Variants in MTRR observed in about 807,000 individuals in gnomAD.
The protein encoded by MTRR is 5-methyltetrahydrofolate-homocysteine methyltransferase reductase, also known as methionine synthase reductase.
A neutral mutation model predicts 79.2 loss-of-function variants in MTRR; 63 were observed. The ratio of observed to expected loss-of-function variants is 0.80; its 90% CI spans 0.65 to 0.98. The LOEUF (loss-of-function observed/expected upper bound fraction) is 0.98, where lower values mean the gene tolerates loss of function less well. MTRR is among the 50% of genes least tolerant of loss of function. MTRR has a pLI of 0.00. For synonymous variants in MTRR, 355 were observed against 313.3 expected, an observed-to-expected ratio of 1.13 and a Z score of -1.41; for missense variants, 895 against 839.6, an observed-to-expected ratio of 1.07 and a Z score of -0.82.
intron 6 of MTRR, among the ~76,000 whole-genome samples, chr5:7,883,584 A>G (rs977318691): frequency 6.7e-6 from 1 of 150,078 alleles, no homozygotes; most frequent in East Asian, 1.9e-4. Flanking sequence ...GTGCTTGGTT[A>G]TGTATGCTGA....
chr5:7,867,416 T>C, upstream of MTRR: 3 of 1,614,168 alleles, frequency 1.9e-6, no homozygotes, highest in African/African-American at 1.3e-5. Context: ...AATCAGACTT[T>C]CCCCAAGAAT....
chr5:7,891,496 A>G lies in MTRR; in HGVS notation c.1370+82A>G, dbSNP rs139796000. 360 of 1,221,054 alleles carry G rather than the reference A, an allele frequency of 2.9e-4. 3 individuals carry two copies. In the African/African-American group the frequency reaches 4.6e-3, roughly 16 times the overall value. The allele number at this position is 1,221,054 out of a possible 1,614,324, so 75.6% of individuals were successfully genotyped here. On this transcript the variant is annotated intron_variant, in intron 10 of 14. Coordinates refer to ENST00000440940, the MANE Select transcript of MTRR (RefSeq NM_002454.3). ...GGCTTCCAGATCATTAGAGTTTACT[A>G]ATTTATTCAGTGAAAACTTACCTGC...
At chr5:7,894,104 C>T (rs1738105090) in intron 11 of MTRR, among the ~76,000 whole-genome samples, 1 of 152,150 alleles carries the variant, frequency 6.6e-6, no homozygotes, top group Non-Finnish European at 1.5e-5. Context: ...CTCCTTTCCT[C>T]CCTCCCTCTC....
rs757746363 is a variant in MTRR at position 7,873,477 on chromosome 5, C to T, written c.234C>T (p.Asn78=). 3 of 1,614,128 alleles carry T rather than the reference C, an allele frequency of 1.9e-6. No individual in the cohort carries two copies. In the East Asian group the frequency reaches 6.7e-5, roughly 36 times the overall value. The change falls in exon 3 of 15, where the codon AAC becomes AAT. Residue 78 remains asparagine, a synonymous_variant. Coordinates refer to ENST00000440940, the MANE Select transcript of MTRR (RefSeq NM_002454.3). ...TARKFVKEIQ[N]QTLPVDFFAH... is the part of the protein sequence containing the mutation. ...GCAAGTTTGTTAAGGAAATACAGAACCAAACACTGCCGGTTGATTTCTTTG... is the reference window on the plus strand; with the variant it reads ...GCAAGTTTGTTAAGGAAATACAGAATCAAACACTGCCGGTTGATTTCTTTG...
At chr5:7,882,486 C>T (rs2126723527) in intron 5 of MTRR, among the ~76,000 whole-genome samples, 1 of 152,242 alleles carries the variant, frequency 6.6e-6, no homozygotes, top group African/African-American at 2.4e-5. Context: ...CCCATATAGC[C>T]ACTTATCCAC....
rs530883601 is a variant in MTRR at position 7,881,300 on chromosome 5, A to G, written c.781-1855A>G. On this transcript the variant is annotated intron_variant, in intron 5 of 14. Coordinates refer to ENST00000440940, the MANE Select transcript of MTRR (RefSeq NM_002454.3). ...GGTTAGTCCCTTACCTTCCTTAGCT[A>G]GCCCAGTGCTTTAGTGGCCGAGTGT... Among the ~76,000 whole-genome samples the G allele has an allele frequency of 2.6e-5, 4 of 152,094 alleles. No homozygotes were observed. In the East Asian group the frequency reaches 7.8e-4, roughly 30 times the overall value.
chr5:7,856,306 C>T lies in MTRR; in HGVS notation n.391+4721C>T, dbSNP rs116564292. On this transcript the variant is annotated intron_variant and non_coding_transcript_variant, in intron 1 of 3. Coordinates refer to the MTRR transcript ENST00000502509. Reference sequence around the variant, plus strand: ...TCCATTTTATTGCTCTGATTTCAAACAACAAAGGCTTTAGAGAACAAAGTT... The same window carrying T: ...TCCATTTTATTGCTCTGATTTCAAATAACAAAGGCTTTAGAGAACAAAGTT... Among the ~76,000 whole-genome samples, 354 of 152,260 alleles carry T rather than the reference C, an allele frequency of 2.3e-3. 1 individual carries two copies. The highest frequency in any genetic ancestry group is 6.5e-3 in the African/African-American group (269 of 41,550).
chr5:7,867,525 G>C (rs1747072571), upstream of MTRR: 1 of 1,614,268 alleles, frequency 6.2e-7, no homozygotes, highest in South Asian at 1.1e-5. Flanking sequence ...ACATGCAACA[G>C]AATCAGAGCT....
intron 11 of MTRR, among the ~76,000 whole-genome samples, chr5:7,893,865 CAG>C (rs1738055277): frequency 6.6e-6 from 1 of 152,264 alleles, no homozygotes; most frequent in Middle Eastern, 3.4e-3. Flanking sequence ...CTGCCTGGAA[CAG>C]AGAGATGCTT....
rs200822691 is a variant in MTRR at position 7,889,540 on chromosome 5, C to CA, written c.1327+266dup. On this transcript the variant is annotated intron_variant, in intron 9 of 14. Transcript: ENST00000440940. ...TTCTTTTTTTTCCTTCCAGCAGTGT[C>CA]ACTATCATTTTCTCTCTTAATAGAG... Among the ~76,000 whole-genome samples, 57 of 152,154 alleles carry CA rather than the reference C, an allele frequency of 3.7e-4. No individual in the cohort carries two copies. In the East Asian group the frequency reaches 0.01, roughly 28 times the overall value.
upstream of MTRR, chr5:7,867,531 G>A (rs970836836): frequency 6.2e-7 from 1 of 1,614,254 alleles, no homozygotes; most frequent in Non-Finnish European, 8.5e-7. Flanking sequence ...AACAGAATCA[G>A]AGCTTGCAAA....
At chr5:7,859,715 T>C (rs919230170) in intron 1 of MTRR, among the ~76,000 whole-genome samples, 3 of 152,258 alleles carry the variant, frequency 2.0e-5, no homozygotes, top group Non-Finnish European at 4.4e-5. Flanking sequence ...GAACAGTGCC[T>C]GGCACTGAGA....
chr5:7,863,912 G>C (rs567952738), intron 2 of MTRR, among the ~76,000 whole-genome samples: 8 of 152,120 alleles, frequency 5.3e-5, no homozygotes, highest in African/African-American at 1.9e-4. Flanking sequence ...GTACAATGAC[G>C]CGACCTCGGC....
chr5:7,869,268 A>C (rs1315855331), intron 1 of MTRR, 53 bp downstream of exon 1: 4 of 1,593,140 alleles, frequency 2.5e-6, no homozygotes, highest in Non-Finnish European at 3.4e-6. Flanking sequence ...GCCCTGCACT[A>C]ATCTCCTGGG....
rs1183040382 is a variant in MTRR, at chr5:7,863,060, G to C, written n.498+1003G>C. The C allele has an allele frequency of 2.8e-6, 4 of 1,436,256 alleles. No homozygotes were observed. In the African/African-American group the frequency reaches 5.7e-5, roughly 20 times the overall value. The allele number at this position is 1,436,256 out of a possible 1,614,324, so 89.0% of individuals were successfully genotyped here. On this transcript the variant is annotated intron_variant and non_coding_transcript_variant, in intron 2 of 3. Transcript: ENST00000502509. The stretch of plus-strand genomic sequence containing the variant: ...AAGATATAACAACAGAGAATAAATT[G>C]AAGGTTACCTAGGTAGAAAAGTTTG...
intron 10 of MTRR, among the ~76,000 whole-genome samples, chr5:7,891,995 TC>T (rs1341634184): frequency 1.3e-5 from 2 of 152,110 alleles, no homozygotes; most frequent in Non-Finnish European, 2.9e-5. Context: ...TGAGCCAAGA[TC>T]GAGCCACTGC....
chr5:7,895,742 C>A lies in MTRR; in HGVS notation c.1566C>A (p.Ile522=), dbSNP rs1579815027. ...SGKALAPKIS[I]SPRTTNSFHL... is the part of the protein sequence containing the mutation. ...TTGATGTAATATTTCAGATATCCAT[C>A]TCTCCTCGAACAACAAATTCTTTCC... is the stretch of plus-strand genomic sequence containing the variant. Residue 522 remains isoleucine, a synonymous_variant, in exon 12 of 15, where the codon ATC becomes ATA. Transcript: ENST00000440940. 4 of 1,614,044 alleles carry A rather than the reference C, an allele frequency of 2.5e-6. No individual in the cohort carries two copies. In the South Asian group the frequency reaches 4.4e-5, roughly 18 times the overall value.
At position 7,883,195 on chromosome 5, in the gene MTRR, T is replaced by C. The variant is rs1735853535; in HGVS notation, c.821T>C (p.Phe274Ser). 1 of 1,614,130 alleles carries C rather than the reference T, an allele frequency of 6.2e-7. No homozygotes were observed. Among genetic ancestry groups the C allele is most frequent in the African/African-American group, 1.3e-5 (1 of 74,944 alleles). Residue 274 changes from phenylalanine (F) to serine (S), a missense_variant, in exon 6 of 15, where the codon TTT (phenylalanine) becomes TCT (serine). Phe to Ser is a radical substitution (Grantham distance 155). Coordinates refer to ENST00000440940, the MANE Select transcript of MTRR (RefSeq NM_002454.3). ...TCTGTGACTTCAGCAGATCCAGTTT[T>C]TCAAGTGCCAATTTCAAAGGCAGTT... is the stretch of plus-strand genomic sequence containing the variant. ...QVSVTSADPV[F>S]QVPISKAVQL...
rs1044675786 is a variant in MTRR, at chr5:7,895,817, C to T, written c.1641C>T (p.Thr547=). The T allele has an allele frequency of 9.9e-6, 16 of 1,614,128 alleles. No individual in the cohort carries two copies. The highest frequency in any genetic ancestry group is 4.0e-5 in the African/African-American group (3 of 75,064). Residue 547 remains threonine, a synonymous_variant, in exon 12 of 15, where the codon ACC becomes ACT. Coordinates refer to ENST00000440940, the MANE Select transcript of MTRR (RefSeq NM_002454.3). ...SIPIIMVGPG[T]GIAPFIGFLQ... ...CCATCATAATGGTGGGTCCAGGAAC[C>T]GGCATAGCCCCGTTTATTGGGTTCC...
Sources: allele counts gnomAD v4.1 joint callset (sites outside exome capture counted in the v4.1 genomes callset), GRCh38; gene constraint gnomAD v4.1.1; transcripts MANE v1.5; gene names NCBI Gene and HGNC (gene_info 2026-07-23, HGNC 2026-07-21).